The following BOP1 variants were observed in gnomAD, a reference collection of about 807,000 sequenced individuals.
The protein encoded by BOP1 is ribosome biogenesis protein BOP1.
A neutral mutation model predicts 82.9 loss-of-function variants in BOP1; 54 were observed. The ratio of observed to expected loss-of-function variants is 0.65; its 90% CI spans 0.52 to 0.82. The LOEUF (loss-of-function observed/expected upper bound fraction) is 0.82. BOP1 is among the 40% of genes least tolerant of loss of function. The pLI is 0.00. For missense variants in BOP1, 1,170 were observed against 1,072.0 expected (o/e 1.09, Z -1.28); for synonymous variants, 566 against 451.1 (o/e 1.25, Z -3.23).
intron 2 of BOP1, 120 bp downstream of exon 2, chr8:144,288,975 G>T: frequency 9.2e-7 from 1 of 1,091,880 alleles, no homozygotes; most frequent in Non-Finnish European, 1.4e-6. Flanking sequence ...CAGTGAAGGA[G>T]GGACGCCGGC....
At chr8:144,285,904 G>A (rs1417744424) in intron 2 of BOP1, among the ~76,000 whole-genome samples, 2 of 152,230 alleles carry the variant, frequency 1.3e-5, no homozygotes, top group African/African-American at 4.8e-5. Flanking sequence ...ACAGAAACAG[G>A]CCTAACCTGA....
At chr8:144,271,208 G>A (rs1291518716) in intron 3 of BOP1, among the ~76,000 whole-genome samples, 2 of 152,092 alleles carry the variant, frequency 1.3e-5, no homozygotes, top group African/African-American at 2.4e-5. Flanking sequence ...TGTGTCGGCT[G>A]GGATTTTTCC....
At chr8:144,277,663 C>T (rs1236279600) in intron 2 of BOP1, among the ~76,000 whole-genome samples, 2 of 152,268 alleles carry the variant, frequency 1.3e-5, no homozygotes, top group East Asian at 3.8e-4. Context: ...CAGGCAGGCT[C>T]TGGGCAGGGG....
At chr8:144,267,022 T>G in intron 3 of BOP1, 1 of 1,521,760 alleles carries the variant, frequency 6.6e-7, no homozygotes, top group Non-Finnish European at 8.8e-7. Context: ...GGGCGAGGCC[T>G]GCGGCGACGG....
At position 144,263,533 on chromosome 8, in the gene BOP1, C is replaced by T; in HGVS notation, c.1369G>A (p.Val457Met). 1 of 1,600,002 alleles carries T rather than the reference C, an allele frequency of 6.2e-7. No homozygotes were observed. Reference sequence around the variant, plus strand: ...CTGGGGTTCCAGGCCACACTCTTCACCACGCCCCCCACGGGAACAGTCCTC... The same window carrying T: ...CTGGGGTTCCAGGCCACACTCTTCATCACGCCCCCCACGGGAACAGTCCTC... ...CVRTVPVGGV[V>M]KSVAWNPSPA... is the part of the protein sequence containing the mutation. The change falls in exon 11 of 16, where the codon GTG becomes ATG. Residue 457 changes from valine (V) to methionine (M), a missense_variant. Coordinates refer to ENST00000569669, the MANE Select transcript of BOP1 (RefSeq NM_015201.5).
At chr8:144,287,500 T>A (rs4977218) in intron 2 of BOP1, among the ~76,000 whole-genome samples, 99,397 of 151,788 alleles carry the variant, frequency 0.65, 32,826 homozygotes, top group Admixed American at 0.72. Context: ...CCAGGATGTT[T>A]TATCTCATAA....
Position 144,266,533 on chromosome 8 carries a change from C to G in BOP1, c.391-1462G>C. 6.0e-6 allele frequency: 6 copies of G among 992,812 alleles called. No individual in the cohort carries two copies. The South Asian group carries it at 1.4e-4, about 22-fold the overall frequency. 61.5% of individuals were successfully genotyped at this position (992,812 alleles called of 1,614,324 possible). On this transcript the variant is annotated intron_variant, in intron 3 of 15. Transcript: ENST00000569669. ...CCGAGACCCCGCGCCTCGCCCCGGC[C>G]GGCCCGCGAGGCCCGCGGCGGCCGC... is the stretch of plus-strand genomic sequence containing the variant.
intron 2 of BOP1, among the ~76,000 whole-genome samples, chr8:144,280,986 C>A (rs112026936): frequency 4.1e-3 from 552 of 135,178 alleles, no homozygotes; most frequent in African/African-American, 0.015. Flanking sequence ...ACCAGGTCTT[C>A]GGCCTTCTCT....
At chr8:144,283,201 C>CAAAAA (rs60868806) in intron 2 of BOP1, among the ~76,000 whole-genome samples, 243 of 54,058 alleles carry the variant, frequency 4.5e-3, no homozygotes, top group Middle Eastern at 0.014. Context: ...AACTCCATCT[C>CAAAAA]AAAAAAAAAA....
At position 144,264,241 on chromosome 8, in the gene BOP1, A is replaced by AGGT; in HGVS notation, c.959_961dup (p.Tyr320_Leu321insHis). ...CAGGCCCACCTCCTCCTCGCTGAGC[A>AGGT]GGTATTCAGGGGGTGGGTTGTACGA... On this transcript the variant is annotated inframe_insertion, in exon 7 of 16. Transcript: ENST00000569669. 1 of 1,609,520 alleles carries AGGT rather than the reference A, an allele frequency of 6.2e-7. No individual in the cohort carries two copies. The highest frequency in any genetic ancestry group is 8.5e-7 in the Non-Finnish European group (1 of 1,178,872).
intron 3 of BOP1, among the ~76,000 whole-genome samples, chr8:144,267,593 G>A (rs1266024959): frequency 2.6e-5 from 4 of 152,256 alleles, no homozygotes; most frequent in African/African-American, 9.6e-5. Context: ...CTTAGCCCCT[G>A]CGGCCCAGCA....
Position 144,262,260 on chromosome 8 carries a change from C to T in BOP1, c.2145G>A (p.Leu715=), listed in dbSNP as rs2130181851. 1 of 1,612,812 alleles carries T rather than the reference C, an allele frequency of 6.2e-7. No individual in the cohort carries two copies. Among genetic ancestry groups the T allele is most frequent in the Non-Finnish European group, 8.5e-7 (1 of 1,179,800 alleles). ...VPVKVLKGHV[L]TRDLGVLDVI... ...CGTCCAGCACTCCCAGATCTCGGGT[C>T]AGCACGTGTCCCTTCAGCACCTTGA... The change falls in exon 16 of 16, where the codon CTG becomes CTA. Residue 715 remains leucine (L), a synonymous_variant. Transcript: ENST00000569669.
intron 2 of BOP1, among the ~76,000 whole-genome samples, chr8:144,286,462 GCGC>G: frequency 5.1e-5 from 6 of 118,300 alleles, no homozygotes; most frequent in African/African-American, 2.0e-4. Flanking sequence ...AGGTGCATGG[GCGC>G]CACGGCAGGG....
intron 3 of BOP1, among the ~76,000 whole-genome samples, chr8:144,273,360 G>A (rs550185753): frequency 8.3e-6 from 1 of 119,764 alleles, no homozygotes; most frequent in African/African-American, 3.2e-5. Flanking sequence ...CCGAGGAGCT[G>A]CCAGGCTGCA....
At chr8:144,265,154 G>C (rs936454808) in intron 3 of BOP1, 83 bp from the exon 4 acceptor site, 1 of 1,507,472 alleles carries the variant, frequency 6.6e-7, no homozygotes, top group African/African-American at 1.4e-5. Flanking sequence ...CAGGTGAGGG[G>C]GTTGCAGGGG....
Position 144,276,178 on chromosome 8 carries a change from T to C in BOP1, c.390+46A>G, listed in dbSNP as rs1303975051. ...ACCCCCAGCACCTGCTAGGCTGTGATGGAAGCCGCCCCACCCTGCCCAGTG... is the reference window on the plus strand; with the variant it reads ...ACCCCCAGCACCTGCTAGGCTGTGACGGAAGCCGCCCCACCCTGCCCAGTG... On this transcript the variant is annotated intron_variant, in intron 3 of 15. Coordinates refer to ENST00000569669, the MANE Select transcript of BOP1 (RefSeq NM_015201.5). 55 of 1,605,894 alleles carry C rather than the reference T, an allele frequency of 3.4e-5. No individual in the cohort carries two copies. The African/African-American group carries it at 6.0e-4, about 18-fold the overall frequency.
chr8:144,273,187 G>C (rs1197605819), intron 3 of BOP1, among the ~76,000 whole-genome samples: 1 of 152,198 alleles, frequency 6.6e-6, no homozygotes, highest in Non-Finnish European at 1.5e-5. Context: ...GCCCGGAGGA[G>C]CGGAGGCCGC....
intron 3 of BOP1, among the ~76,000 whole-genome samples, chr8:144,272,289 A>C (rs1332148917): frequency 6.6e-6 from 1 of 152,026 alleles, no homozygotes; most frequent in Non-Finnish European, 1.5e-5. Flanking sequence ...CTCAGCCCCC[A>C]ACTCCGGACA....
chr8:144,266,497 G>T, intron 3 of BOP1: 1 of 986,862 alleles, frequency 1.0e-6, no homozygotes, highest in South Asian at 4.6e-5. Context: ...AGCTGCCACC[G>T]CGGGGCGCAG....
Sources: allele counts gnomAD v4.1 joint callset (sites outside exome capture counted in the v4.1 genomes callset), GRCh38; gene constraint gnomAD v4.1.1; transcripts MANE v1.5; gene names NCBI Gene and HGNC (gene_info 2026-07-23, HGNC 2026-07-21).